The following FAM83G variants were observed in gnomAD, a reference collection of about 807,000 sequenced individuals.
The protein encoded by FAM83G is scaffolding CK1 anchoring protein G.
In FAM83G, 38 loss-of-function variants were observed where a neutral mutation model predicts 61.5. The ratio of observed to expected loss-of-function variants is 0.62; its 90% confidence interval spans 0.48 to 0.81. The LOEUF (loss-of-function observed/expected upper bound fraction) is 0.81, where lower values mean the gene tolerates loss of function less well. Among genes scored for constraint, FAM83G ranks in the 30% least tolerant of loss-of-function variants. The probability of loss-of-function intolerance (pLI) is 0.00; values close to 1 mark genes in which losing one functional copy is unlikely to be tolerated. For synonymous variants in FAM83G, 470 were observed against 476.1 expected, an observed-to-expected ratio of 0.99 and a Z score of 0.17; for missense variants, 989 against 1,133.6, an observed-to-expected ratio of 0.87 and a Z score of 1.83.
At chr17:18,987,808 G>A (rs2043308675) in intron 3 of FAM83G, among the ~76,000 whole-genome samples, 1 of 152,178 alleles carries the variant, frequency 6.6e-6, no homozygotes, top group Non-Finnish European at 1.5e-5. Context: ...CCAGTAAATG[G>A]AATTCTAAGG....
At position 18,970,523 on chromosome 17, in the gene FAM83G, C is replaced by CACA; in HGVS notation, c.*835_*836insTGT. ...CCCTCTCTGGACCTGTCTCCCTCTT[C>CACA]TCTGTGCCTCAGGGGGTGGGGCCAC... On this transcript the variant is annotated 3_prime_UTR_variant, in exon 6 of 6. Coordinates refer to ENST00000388995, the MANE Select transcript of FAM83G (RefSeq NM_001039999.3). The CACA allele has an allele frequency of 5.7e-6, 1 of 174,132 alleles. No individual in the cohort carries two copies. Among genetic ancestry groups the CACA allele is most frequent in the South Asian group, 1.3e-4 (1 of 7,524 alleles). 10.8% of individuals were successfully genotyped at this position (174,132 alleles called of 1,614,324 possible).
chr17:18,972,311 C>G (rs975584122), intron 5 of FAM83G, among the ~76,000 whole-genome samples: 1 of 152,210 alleles, frequency 6.6e-6, no homozygotes. Context: ...AGGGGTCCAC[C>G]ATAGGACAAG....
Position 18,996,868 on chromosome 17 carries a change from C to T in FAM83G, c.522+6652G>A, listed in dbSNP as rs943004590. Reference sequence around the variant, plus strand: ...GCCACCTCAGCTCTTGAAAGAAATACCTGACCATCAGCACTGTCTGGAAGG... The same window carrying T: ...GCCACCTCAGCTCTTGAAAGAAATATCTGACCATCAGCACTGTCTGGAAGG... On this transcript the variant is annotated intron_variant, in intron 2 of 5. Coordinates refer to ENST00000388995, the MANE Select transcript of FAM83G (RefSeq NM_001039999.3). The surrounding 1 kb of genome is among the most constrained non-coding windows in gnomAD (Gnocchi z 4.4). Among the ~76,000 whole-genome samples, 4 of 152,212 alleles carry T rather than the reference C, an allele frequency of 2.6e-5. No individual in the cohort carries two copies. The highest frequency in any genetic ancestry group is 9.7e-5 in the African/African-American group (4 of 41,444).
In FAM83G at chr17:18,996,264, T is replaced by C. The variant is rs1237599060; in HGVS notation, c.522+7256A>G. On this transcript the variant is annotated intron_variant, in intron 2 of 5. Transcript: ENST00000388995. The surrounding 1 kb of genome is among the most constrained non-coding windows in gnomAD (Gnocchi z 4.4). ...TCATTACCAGCAGACCCGCACTCCC[T>C]CCTCCAGCTGCAACCCCCTCCTCCA... is the stretch of plus-strand genomic sequence containing the variant. Among the ~76,000 whole-genome samples, 2 of 152,008 alleles carry C rather than the reference T, an allele frequency of 1.3e-5. No individual in the cohort carries two copies. Among genetic ancestry groups the C allele is most frequent in the African/African-American group, 2.4e-5 (1 of 41,376 alleles).
upstream of FAM83G, among the ~76,000 whole-genome samples, chr17:19,005,654 C>CG (rs1489507242): frequency 6.6e-6 from 1 of 151,956 alleles, no homozygotes; most frequent in East Asian, 1.9e-4. Flanking sequence ...CAAACCCCCC[C>CG]CCTCCAAGGC....
At chr17:18,980,095 T>C (rs535745177) in intron 3 of FAM83G, among the ~76,000 whole-genome samples, 1 of 152,184 alleles carries the variant, frequency 6.6e-6, no homozygotes, top group Non-Finnish European at 1.5e-5. Context: ...TAGGGGGTGA[T>C]GCAGCCAGAG....
chr17:19,002,860 G>A (rs770568686), intron 2 of FAM83G, among the ~76,000 whole-genome samples: 11 of 152,132 alleles, frequency 7.2e-5, no homozygotes, highest in Non-Finnish European at 1.2e-4. Flanking sequence ...GGTCCCTTCC[G>A]GTGGCAAAAT....
chr17:19,001,698 C>A (rs144889057), intron 2 of FAM83G, among the ~76,000 whole-genome samples: 2 of 152,200 alleles, frequency 1.3e-5, no homozygotes, highest in African/African-American at 4.8e-5. Flanking sequence ...TGGGACTGTA[C>A]GGAGTGGCTG....
chr17:18,990,939 C>G (rs1315567788), intron 2 of FAM83G, among the ~76,000 whole-genome samples: 2 of 152,330 alleles, frequency 1.3e-5, no homozygotes, highest in Middle Eastern at 3.4e-3. Flanking sequence ...AGGCTAGAAC[C>G]CAGGGCCCTG....
rs1464588792 is a variant in FAM83G at position 18,969,503 on chromosome 17, G to C, written c.*1856C>G. ...GTCTGGCACTGCCCGGCACTGTGCA[G>C]GATTCATGCCGTTGGGGTTCTGGGT... On this transcript the variant is annotated 3_prime_UTR_variant, in exon 6 of 6. Coordinates refer to ENST00000388995, the MANE Select transcript of FAM83G (RefSeq NM_001039999.3). 2.2e-6 allele frequency: 3 copies of C among 1,338,768 alleles called. No homozygotes were observed. The highest frequency in any genetic ancestry group is 3.2e-6 in the Non-Finnish European group (3 of 948,792). 82.9% of individuals were successfully genotyped at this position (1,338,768 alleles called of 1,614,324 possible).
intron 3 of FAM83G, among the ~76,000 whole-genome samples, chr17:18,981,509 G>A (rs1303356058): frequency 1.3e-5 from 2 of 152,164 alleles, no homozygotes; most frequent in Non-Finnish European, 2.9e-5. Context: ...GGGTGTGTGA[G>A]GTGAATGCTA....
intron 3 of FAM83G, among the ~76,000 whole-genome samples, chr17:18,980,679 G>C (rs977412207): frequency 6.6e-6 from 1 of 152,144 alleles, no homozygotes; most frequent in Non-Finnish European, 1.5e-5. Context: ...AGGAAGGACA[G>C]GGCGAGCCTG....
chr17:18,976,793 C>T (rs1187816814), intron 5 of FAM83G: 3 of 1,594,810 alleles, frequency 1.9e-6, no homozygotes, highest in Non-Finnish European at 2.6e-6. Context: ...CCACCAAGGA[C>T]CAATCCTGAC....
At chr17:18,976,182 C>CAA (rs1567788792) in intron 5 of FAM83G, 1 of 26,930 alleles carries the variant, frequency 3.7e-5, no homozygotes, top group Non-Finnish European at 7.5e-5. Context: ...AGCAAGACTC[C>CAA]GACTCAAAAA....
At chr17:19,002,762 C>T (rs149249187) in intron 2 of FAM83G, among the ~76,000 whole-genome samples, 34 of 152,326 alleles carry the variant, frequency 2.2e-4, no homozygotes, top group Non-Finnish European at 4.8e-4. Flanking sequence ...GAATGTGTGA[C>T]GGTGTGTCAG....
At chr17:19,005,115 G>A (rs991317642), upstream of FAM83G, among the ~76,000 whole-genome samples, 1 of 152,144 alleles carries the variant, frequency 6.6e-6, no homozygotes, top group Non-Finnish European at 1.5e-5. Flanking sequence ...AAGTCCGTGC[G>A]GCTGTATAGA....
intron 2 of FAM83G, among the ~76,000 whole-genome samples, chr17:18,990,713 A>C (rs1490842425): frequency 6.6e-6 from 1 of 152,220 alleles, no homozygotes; most frequent in Non-Finnish European, 1.5e-5. Context: ...GGCTCTCCCC[A>C]GGCATTGGGT....
At chr17:18,979,110 C>T (rs776954390) in intron 4 of FAM83G, 1 of 560,234 alleles carries the variant, frequency 1.8e-6, no homozygotes, top group Non-Finnish European at 3.2e-6. Flanking sequence ...ATTCACTAAG[C>T]AGCTCAGGAA....
chr17:18,973,258 G>T (rs760027517), intron 5 of FAM83G, among the ~76,000 whole-genome samples: 1 of 152,248 alleles, frequency 6.6e-6, no homozygotes, highest in Non-Finnish European at 1.5e-5. Flanking sequence ...TGGAACATCA[G>T]TCAGGAGATT....
Sources: gnomAD v4.1 joint callset for allele counts (sites outside exome capture counted in the v4.1 genomes callset) on GRCh38, gnomAD v4.1.1 for gene constraint, Gnocchi (gnomAD v3.1) non-coding constraint, MANE v1.5 for transcripts, NCBI Gene and HGNC (gene_info 2026-07-23, HGNC 2026-07-21) for gene names.